The following MGAT4D variants were observed in gnomAD, a reference collection of about 807,000 sequenced individuals.
MGAT4D encodes MGAT4 family member D.
Under a neutral mutation model 15.9 loss-of-function variants are expected in MGAT4D, and 34 were observed. The observed-to-expected ratio is 2.14, with a 90% CI of 1.62 to 2.84. The LOEUF is 2.84. Among genes scored for constraint, MGAT4D ranks in the 30% most tolerant of loss-of-function variants. The pLI is 0.00. For synonymous variants in MGAT4D, 112 were observed against 48.2 expected (o/e 2.33, Z -5.49); for missense variants, 327 against 140.2 (o/e 2.33, Z -6.73).
rs772201898 is a variant in MGAT4D, at chr4:140,459,629, G to GA, written c.763-4dup. The GA allele has an allele frequency of 0.014, 5,411 of 379,426 alleles. No homozygotes were observed. The highest frequency in any genetic ancestry group is 0.025 in the South Asian group (461 of 18,144). 23.5% of individuals were successfully genotyped at this position (379,426 alleles called of 1,614,324 possible). ...TTAGCTATGATATCATCTTCTAGCT[G>GA]AAAAAAAAAACCCAAAAAGACATTA... is the stretch of plus-strand genomic sequence containing the variant. On this transcript the variant is annotated splice_region_variant and splice_polypyrimidine_tract_variant and intron_variant, in intron 7 of 10. Coordinates refer to ENST00000511113, the MANE Select transcript of MGAT4D (RefSeq NM_001277353.2).
At chr4:140,473,852 T>A (rs1330083506) in intron 4 of MGAT4D, among the ~76,000 whole-genome samples, 1 of 145,172 alleles carries the variant, frequency 6.9e-6, no homozygotes, top group Non-Finnish European at 1.5e-5. Context: ...GTGCACACCA[T>A]CATTTCTAGC....
chr4:140,492,068 T>C (rs950315511), intron 1 of MGAT4D, among the ~76,000 whole-genome samples: 2 of 152,222 alleles, frequency 1.3e-5, no homozygotes, highest in African/African-American at 4.8e-5. Flanking sequence ...GCAAAAGTAA[T>C]GCAGTACTAG....
At position 140,471,811 on chromosome 4, in the gene MGAT4D, T is replaced by A. The variant is rs1731982573; in HGVS notation, c.536A>T (p.Asp179Val). 4.1e-6 allele frequency: 2 copies of A among 488,668 alleles called. No individual in the cohort carries two copies. Among genetic ancestry groups the A allele is most frequent in the South Asian group, 4.8e-5 (2 of 41,484 alleles). The allele number at this position is 488,668 out of a possible 1,614,324, so 30.3% of individuals were successfully genotyped here. ...CATTTTAACAACAGAATGTAAATAATCTTCATTACTCTAAAAATGAGAAAA... is the reference window on the plus strand; with the variant it reads ...CATTTTAACAACAGAATGTAAATAAACTTCATTACTCTAAAAATGAGAAAA... ...VIVLVADSNE[D>V]YLHSVVKMIT... Residue 179 changes from aspartate to valine, a missense_variant, in exon 5 of 11, where the codon GAT (aspartate) becomes GTT (valine). Asp to Val is a radical substitution (Grantham distance 152). Coordinates refer to ENST00000511113, the MANE Select transcript of MGAT4D (RefSeq NM_001277353.2).
At chr4:140,461,890 C>CAT (rs878969694) in intron 7 of MGAT4D, 39 bp downstream of exon 7, 1 of 628,942 alleles carries the variant, frequency 1.6e-6, no homozygotes, top group South Asian at 1.9e-5. Context: ...TACACACACA[C>CAT]ACACACACAC....
At position 140,478,905 on chromosome 4, in the gene MGAT4D, T is replaced by A. The variant is rs1236109548; in HGVS notation, c.391+585A>T. ...ACAAGTAAATGGATAAGCATAACTATGTTCCAACAAAACTGTATGTTAAAA... is the reference window on the plus strand; with the variant it reads ...ACAAGTAAATGGATAAGCATAACTAAGTTCCAACAAAACTGTATGTTAAAA... On this transcript the variant is annotated intron_variant, in intron 3 of 10. Coordinates refer to ENST00000511113, the MANE Select transcript of MGAT4D (RefSeq NM_001277353.2). Among the ~76,000 whole-genome samples, 3 of 152,274 alleles carry A rather than the reference T, an allele frequency of 2.0e-5. No individual in the cohort carries two copies. The East Asian group carries it at 5.8e-4, about 29-fold the overall frequency.
At position 140,479,628 on chromosome 4, in the gene MGAT4D, C is replaced by T. The variant is rs1197871832; in HGVS notation, c.254-1G>A. ...TTTAATATGTCTGCTTTCTGTGCAA[C>T]TGAAAGAAAAAAATAATGCTTCTGA... is the stretch of plus-strand genomic sequence containing the variant. On this transcript the variant is annotated splice_acceptor_variant, in intron 2 of 10. Coordinates refer to ENST00000511113, the MANE Select transcript of MGAT4D (RefSeq NM_001277353.2). LOFTEE classifies it high-confidence loss of function. The T allele has an allele frequency of 4.5e-6, 2 of 449,436 alleles. No individual in the cohort carries two copies. The allele number at this position is 449,436 out of a possible 1,614,324, so 27.8% of individuals were successfully genotyped here. A position where few individuals can be genotyped will look rare whatever the true frequency, so the allele number is the denominator to read the frequency against.
rs967891303 is a variant in MGAT4D, at chr4:140,443,338, T to A, written c.*98A>T. On this transcript the variant is annotated 3_prime_UTR_variant, in exon 11 of 11. Transcript: ENST00000511113. ...ATGCATTGTTTACTTATCTGCTAGATAATTATGTATTTTCATTACTACAAT... is the reference window on the plus strand; with the variant it reads ...ATGCATTGTTTACTTATCTGCTAGAAAATTATGTATTTTCATTACTACAAT... 1 of 416,842 alleles carries A rather than the reference T, an allele frequency of 2.4e-6. No individual in the cohort carries two copies. Among genetic ancestry groups the A allele is most frequent in the South Asian group, 3.8e-5 (1 of 26,320 alleles). The allele number at this position is 416,842 out of a possible 1,614,324, so 25.8% of individuals were successfully genotyped here. A position where few individuals can be genotyped will look rare whatever the true frequency, so the allele number is the denominator to read the frequency against.
At chr4:140,484,528 A>C (rs2126839181) in intron 1 of MGAT4D, among the ~76,000 whole-genome samples, 2 of 152,332 alleles carry the variant, frequency 1.3e-5, no homozygotes, top group African/African-American at 4.8e-5. Context: ...AAGCAATAGC[A>C]ACAAAAGCCA....
At position 140,456,632 on chromosome 4, in the gene MGAT4D, T is replaced by C. The variant is rs1269524868; in HGVS notation, c.965A>G (p.Asn322Ser). The change falls in exon 9 of 11, where the codon AAT becomes AGT. Residue 322 changes from asparagine (N) to serine (S), a missense_variant. Coordinates refer to ENST00000511113, the MANE Select transcript of MGAT4D (RefSeq NM_001277353.2). ...YKEKPIDWLLNDIFQVKVCDA... is the reference protein window; with the variant it reads ...YKEKPIDWLLSDIFQVKVCDA... ...ACACACCTTTACCTGAAAAATGTCATTCAAGAGCCAGTCTATGGGTTTCTC... is the reference window on the plus strand; with the variant it reads ...ACACACCTTTACCTGAAAAATGTCACTCAAGAGCCAGTCTATGGGTTTCTC... 4.3e-6 allele frequency: 3 copies of C among 697,660 alleles called. No individual in the cohort carries two copies. The highest frequency in any genetic ancestry group is 3.5e-5 in the African/African-American group (2 of 57,050). 43.2% of individuals were successfully genotyped at this position (697,660 alleles called of 1,614,324 possible).
intron 2 of MGAT4D, among the ~76,000 whole-genome samples, chr4:140,480,062 G>A (rs1261785502): frequency 6.6e-6 from 1 of 152,056 alleles, no homozygotes; most frequent in African/African-American, 2.4e-5. Context: ...AAAAGAAAAT[G>A]TTAGAGGACG....
In MGAT4D at chr4:140,479,132, C is replaced by T. The variant is rs372711549; in HGVS notation, c.391+358G>A. 2.0e-5 allele frequency among the ~76,000 whole-genome samples: 3 copies of T among 152,122 alleles called. No individual in the cohort carries two copies. In the East Asian group the frequency reaches 5.8e-4, roughly 29 times the overall value. ...ACCTGTTGTATAAGGCTATTACTGA[C>T]CTTGGTCTCCAGAAAGACTGGGAAA... On this transcript the variant is annotated intron_variant, in intron 3 of 10. Transcript: ENST00000511113.
At chr4:140,459,050 T>C (rs1012602496) in intron 8 of MGAT4D, 1 of 152,188 alleles carries the variant, frequency 6.6e-6, no homozygotes, top group African/African-American at 2.4e-5. Flanking sequence ...TTGGAAATTT[T>C]CTGTGGTGGG....
intron 9 of MGAT4D, among the ~76,000 whole-genome samples, chr4:140,453,497 TATA>T (rs1420674955): frequency 6.6e-6 from 1 of 151,996 alleles, no homozygotes; most frequent in Non-Finnish European, 1.5e-5. Context: ...ATATTTTATA[TATA>T]ATGTTTTTTA....
intron 8 of MGAT4D, chr4:140,457,110 T>C (rs1370273434): frequency 6.6e-6 from 1 of 152,224 alleles, no homozygotes; most frequent in East Asian, 1.9e-4. Flanking sequence ...ATCTACTACA[T>C]TTTTCGTTGT....
chr4:140,470,997 A>G (rs1731899820), intron 5 of MGAT4D, among the ~76,000 whole-genome samples: 1 of 150,920 alleles, frequency 6.6e-6, no homozygotes, highest in African/African-American at 2.4e-5. Flanking sequence ...CAATCCTTCC[A>G]CTTCAGCCTC....
intron 1 of MGAT4D, among the ~76,000 whole-genome samples, chr4:140,484,593 C>T (rs1461789437): frequency 1.3e-5 from 2 of 152,174 alleles, no homozygotes; most frequent in Non-Finnish European, 2.9e-5. Context: ...GCAAAAGAAA[C>T]TACCATCAGA....
chr4:140,477,437 G>A (rs1024310113), intron 3 of MGAT4D, among the ~76,000 whole-genome samples: 52 of 152,322 alleles, frequency 3.4e-4, no homozygotes, highest in African/African-American at 1.1e-3. Flanking sequence ...ATGAGGAGAC[G>A]TGGAAGAATT....
At chr4:140,491,629 G>T (rs1733506877) in intron 1 of MGAT4D, among the ~76,000 whole-genome samples, 1 of 151,958 alleles carries the variant, frequency 6.6e-6, no homozygotes. Context: ...CTGCCAGGCA[G>T]AAGATTCCCA....
chr4:140,464,359 T>G (rs1358947461), intron 6 of MGAT4D, among the ~76,000 whole-genome samples: 1 of 152,228 alleles, frequency 6.6e-6, no homozygotes, highest in Non-Finnish European at 1.5e-5. Context: ...TTTTTTAAGA[T>G]TCTTTCACAA....
Sources: gnomAD v4.1 joint callset for allele counts (sites outside exome capture counted in the v4.1 genomes callset) on GRCh38, gnomAD v4.1.1 for gene constraint, MANE v1.5 for transcripts, NCBI Gene and HGNC (gene_info 2026-07-23, HGNC 2026-07-21) for gene names.